The following THSD7B variants were observed in gnomAD, a reference collection of about 807,000 sequenced individuals.
The protein encoded by THSD7B is thrombospondin type 1 domain containing 7B, also known as thrombospondin type-1 domain-containing protein 7B.
A neutral mutation model predicts 213.6 loss-of-function variants in THSD7B; 138 were observed. That is an observed-to-expected ratio of 0.65 (90% CI 0.56 to 0.74). The LOEUF is 0.74. THSD7B is among the 30% of genes least tolerant of loss of function. The probability of loss-of-function intolerance (pLI) is 0.00; values close to 1 mark genes in which losing one functional copy is unlikely to be tolerated. For missense variants in THSD7B, 1,931 were observed against 1,991.5 expected, an observed-to-expected ratio of 0.97 and a Z score of 0.58; for synonymous variants, 742 against 687.0, an observed-to-expected ratio of 1.08 and a Z score of -1.25.
chr2:137,004,411 A>G (rs1046933388), intron 2 of THSD7B, among the ~76,000 whole-genome samples: 14 of 151,998 alleles, frequency 9.2e-5, no homozygotes, highest in Admixed American at 2.6e-4. Context: ...ACAAAATTAC[A>G]TTAGTTCTTC....
intron 17 of THSD7B, among the ~76,000 whole-genome samples, chr2:137,581,509 C>A (rs1010912871): frequency 6.6e-6 from 1 of 151,944 alleles, no homozygotes; most frequent in African/African-American, 2.4e-5. Context: ...ACACGGGAGG[C>A]TGAAGCAGGA....
chr2:137,632,398 A>C (rs1182535624), intron 20 of THSD7B, among the ~76,000 whole-genome samples: 1 of 152,180 alleles, frequency 6.6e-6, no homozygotes, highest in African/African-American at 2.4e-5. Flanking sequence ...CCAATCTTAC[A>C]GAGAGGTAAT....
intron 2 of THSD7B, among the ~76,000 whole-genome samples, chr2:136,984,690 G>A (rs867885558): frequency 6.6e-6 from 1 of 152,196 alleles, no homozygotes; most frequent in African/African-American, 2.4e-5. Context: ...GGGGTGTTAT[G>A]TGGAAACAGC....
chr2:136,869,464 T>A (rs1352400425), intron 1 of THSD7B, among the ~76,000 whole-genome samples: 1 of 152,226 alleles, frequency 6.6e-6, no homozygotes, highest in Non-Finnish European at 1.5e-5. Flanking sequence ...CAAATACACA[T>A]TTTAATCAAT....
At chr2:136,991,011 T>C in intron 2 of THSD7B, 1 of 1,159,052 alleles carries the variant, frequency 8.6e-7, no homozygotes, top group Non-Finnish European at 1.2e-6. Context: ...GGTGAATACC[T>C]GTCCTCCCCA....
intron 17 of THSD7B, among the ~76,000 whole-genome samples, chr2:137,573,123 T>C (rs1681391036): frequency 6.6e-6 from 1 of 151,886 alleles, no homozygotes; most frequent in Non-Finnish European, 1.5e-5. Context: ...CTTAAAAAAT[T>C]GGAAGCACAA....
chr2:137,614,001 G>T (rs1682335953), intron 17 of THSD7B, among the ~76,000 whole-genome samples: 1 of 152,134 alleles, frequency 6.6e-6, no homozygotes, highest in Non-Finnish European at 1.5e-5. Context: ...TTTATAAGAT[G>T]AAGTGTGAAA....
chr2:137,222,024 T>C (rs763722561), intron 7 of THSD7B, among the ~76,000 whole-genome samples: 6 of 152,250 alleles, frequency 3.9e-5, no homozygotes, highest in Non-Finnish European at 8.8e-5. Context: ...CTTTTCTAGC[T>C]AAGACAAAAT....
intron 3 of THSD7B, among the ~76,000 whole-genome samples, chr2:137,078,896 TAGAA>T (rs1380649520): frequency 4.6e-5 from 7 of 152,214 alleles, no homozygotes; most frequent in African/African-American, 7.2e-5. Flanking sequence ...AATTTCCAGA[TAGAA>T]AGGCCATATT....
rs913280932 is a variant in THSD7B at position 136,878,874 on chromosome 2, T to C, written c.-35-3270T>C. Reference sequence around the variant, plus strand: ...TCTCCCATTCTGTAGGTTGCCTGTTTGCTCTGGTGGTAGTTTCTTTTGCGG... The same window carrying C: ...TCTCCCATTCTGTAGGTTGCCTGTTCGCTCTGGTGGTAGTTTCTTTTGCGG... On this transcript the variant is annotated intron_variant, in intron 1 of 27. Transcript: ENST00000409968. Among the ~76,000 whole-genome samples, 28 of 152,316 alleles carry C rather than the reference T, an allele frequency of 1.8e-4. 1 individual carries two copies. Among genetic ancestry groups the C allele is most frequent in the African/African-American group, 4.1e-4 (17 of 41,578 alleles).
intron 2 of THSD7B, among the ~76,000 whole-genome samples, chr2:136,997,439 C>G (rs1685914906): frequency 6.6e-6 from 1 of 152,190 alleles, no homozygotes; most frequent in African/African-American, 2.4e-5. Context: ...TGGATACTGT[C>G]ATATCCTAGA....
intron 2 of THSD7B, among the ~76,000 whole-genome samples, chr2:136,967,214 G>A (rs1685330776): frequency 6.6e-6 from 1 of 152,154 alleles, no homozygotes; most frequent in African/African-American, 2.4e-5. Flanking sequence ...GTCCTTCAAA[G>A]TCCTTCAAAG....
chr2:136,951,012 C>G (rs1419981001), intron 2 of THSD7B, among the ~76,000 whole-genome samples: 1 of 152,124 alleles, frequency 6.6e-6, no homozygotes, highest in South Asian at 2.1e-4. Flanking sequence ...TACTTTTAAA[C>G]AACTGCCTGT....
At chr2:137,118,399 T>C (rs1447020876) in intron 5 of THSD7B, among the ~76,000 whole-genome samples, 1 of 152,158 alleles carries the variant, frequency 6.6e-6, no homozygotes, top group East Asian at 1.9e-4. Context: ...GAATGTGGCC[T>C]AGAGATTAGG....
At chr2:137,118,121 G>C (rs1482008247) in intron 5 of THSD7B, among the ~76,000 whole-genome samples, 5 of 152,206 alleles carry the variant, frequency 3.3e-5, no homozygotes, top group Non-Finnish European at 4.4e-5. Flanking sequence ...TGAAAACGTA[G>C]AGAGCTATTT....
At chr2:137,571,641 T>C (rs1278823714) in intron 16 of THSD7B, among the ~76,000 whole-genome samples, 1 of 152,206 alleles carries the variant, frequency 6.6e-6, no homozygotes, top group African/African-American at 2.4e-5. Context: ...CATATAGTGG[T>C]ATAACACTTT....
intron 3 of THSD7B, among the ~76,000 whole-genome samples, chr2:137,072,971 A>G (rs538212089): frequency 6.6e-6 from 1 of 152,276 alleles, no homozygotes; most frequent in African/African-American, 2.4e-5. Flanking sequence ...ATCATGGTAG[A>G]TGAACTTTTT....
chr2:137,413,342 A>C (rs1384443585), intron 14 of THSD7B, among the ~76,000 whole-genome samples: 1 of 152,200 alleles, frequency 6.6e-6, no homozygotes, highest in Non-Finnish European at 1.5e-5. Context: ...TCTGCTATGT[A>C]CCTGGACATC....
chr2:137,076,108 A>C (rs1687617039), intron 3 of THSD7B, among the ~76,000 whole-genome samples: 1 of 152,170 alleles, frequency 6.6e-6, no homozygotes, highest in Non-Finnish European at 1.5e-5. Flanking sequence ...TGCTCTCTTC[A>C]AAGCTGTCAG....
Sources: allele counts gnomAD v4.1 joint callset (sites outside exome capture counted in the v4.1 genomes callset), GRCh38; gene constraint gnomAD v4.1.1; transcripts MANE v1.5; gene names NCBI Gene and HGNC (gene_info 2026-07-23, HGNC 2026-07-21).